The following ARHGAP40 variants were observed in gnomAD, a reference collection of about 807,000 sequenced individuals.
ARHGAP40 encodes rho GTPase-activating protein 40.
In ARHGAP40, 43 loss-of-function variants were observed where a neutral mutation model predicts 73.5. That is an observed-to-expected ratio of 0.58 (90% confidence interval 0.46 to 0.75). The LOEUF (loss-of-function observed/expected upper bound fraction) is 0.75. Ranked by LOEUF, ARHGAP40 falls within the 30% of genes least tolerant of loss-of-function variation. ARHGAP40 has a pLI of 0.00. For synonymous variants in ARHGAP40, 300 were observed against 352.8 expected (o/e 0.85, Z 1.68); for missense variants, 734 against 861.8 (o/e 0.85, Z 1.86).
intron 1 of ARHGAP40, among the ~76,000 whole-genome samples, chr20:38,603,777 C>G (rs1002638858): frequency 5.3e-5 from 8 of 152,300 alleles, no homozygotes; most frequent in African/African-American, 1.9e-4. Flanking sequence ...CTTGCCTTTT[C>G]CAGCTTCTGC....
In ARHGAP40 at chr20:38,637,637, G is replaced by A. The variant is rs2088984311; in HGVS notation, c.950-71G>A. ...GGGGTCTGATTCTAGTTGCCCAGGAGATCCTGTAGGTCGGAGCCCAGTGAT... is the reference window on the plus strand; with the variant it reads ...GGGGTCTGATTCTAGTTGCCCAGGAAATCCTGTAGGTCGGAGCCCAGTGAT... On this transcript the variant is annotated intron_variant, in intron 6 of 14. Transcript: ENST00000373345. 9.3e-6 allele frequency: 11 copies of A among 1,187,920 alleles called. No individual in the cohort carries two copies. The South Asian group carries it at 1.4e-4, about 15-fold the overall frequency. 73.6% of individuals were successfully genotyped at this position (1,187,920 alleles called of 1,614,324 possible). A position where few individuals can be genotyped will look rare whatever the true frequency, so the allele number is the denominator to read the frequency against.
chr20:38,616,291 C>A (rs959981859), intron 1 of ARHGAP40, among the ~76,000 whole-genome samples: 3 of 152,222 alleles, frequency 2.0e-5, no homozygotes, highest in African/African-American at 7.2e-5. Context: ...TTCCAGCCTT[C>A]CCCACTGGGG....
chr20:38,622,585 G>A (rs888254614), intron 1 of ARHGAP40, among the ~76,000 whole-genome samples: 2 of 152,150 alleles, frequency 1.3e-5, no homozygotes, highest in Non-Finnish European at 2.9e-5. Flanking sequence ...GGGGATTAAA[G>A]GGAAGGATGT....
intron 6 of ARHGAP40, among the ~76,000 whole-genome samples, chr20:38,636,264 ATT>A (rs926884192): frequency 1.0e-4 from 15 of 145,164 alleles, no homozygotes; most frequent in South Asian, 4.4e-4. Flanking sequence ...TTATTTATTT[ATT>A]TTTTTTTTTT....
chr20:38,607,260 G>T (rs1247847197), intron 1 of ARHGAP40, among the ~76,000 whole-genome samples: 2 of 152,154 alleles, frequency 1.3e-5, no homozygotes, highest in African/African-American at 4.8e-5. Context: ...CATTGGGAAA[G>T]TTCCTTCATT....
At position 38,626,997 on chromosome 20, in the gene ARHGAP40, G is replaced by A. The variant is rs917689137; in HGVS notation, c.340G>A (p.Gly114Arg). The stretch of plus-strand genomic sequence containing the variant: ...CTGGGTTCTACTTCTGTTGGCAGAA[G>A]GGGAAGCTGAATCCCAGTGGCTGCA... Residue 114 changes from glycine (G) to arginine (R), a missense_variant and splice_region_variant, in exon 3 of 15, where the codon GGG becomes AGG. Transcript: ENST00000373345. The A allele has an allele frequency of 2.3e-6, 3 of 1,303,608 alleles. No individual in the cohort carries two copies. The African/African-American group carries it at 4.6e-5, about 20-fold the overall frequency. The allele number at this position is 1,303,608 out of a possible 1,614,324, so 80.8% of individuals were successfully genotyped here. A position where few individuals can be genotyped will look rare whatever the true frequency, so the allele number is the denominator to read the frequency against.
chr20:38,635,108 T>C (rs1217157432), intron 6 of ARHGAP40, among the ~76,000 whole-genome samples: 2 of 151,934 alleles, frequency 1.3e-5, no homozygotes, highest in Non-Finnish European at 2.9e-5. Context: ...TCTTGGTCTC[T>C]TGACCTCGTG....
At chr20:38,638,872 G>C (rs542019414) in intron 8 of ARHGAP40, 34 bp downstream of exon 8, 1 of 1,296,010 alleles carries the variant, frequency 7.7e-7, no homozygotes, top group Non-Finnish European at 1.0e-6. Context: ...CACTGAGGCT[G>C]CATCTCCCCC....
At chr20:38,605,566 C>T (rs1488753779) in intron 1 of ARHGAP40, among the ~76,000 whole-genome samples, 2 of 152,200 alleles carry the variant, frequency 1.3e-5, no homozygotes, top group Non-Finnish European at 2.9e-5. Context: ...TTCCCCTTAT[C>T]CTTGCTCCCT....
At chr20:38,606,597 T>C (rs965070386) in intron 1 of ARHGAP40, among the ~76,000 whole-genome samples, 2 of 152,220 alleles carry the variant, frequency 1.3e-5, no homozygotes, top group Non-Finnish European at 2.9e-5. Flanking sequence ...ACATGCTCAG[T>C]GTCTGGCAGA....
exon 11 of ARHGAP40, chr20:38,643,811 G>A: frequency 7.7e-7 from 1 of 1,305,664 alleles, no homozygotes; most frequent in Non-Finnish European, 1.0e-6. Flanking sequence ...TGCACCAAGG[G>A]CGGCCCCCCA....
At chr20:38,629,344 G>A (rs1396558974) in intron 4 of ARHGAP40, among the ~76,000 whole-genome samples, 158 bp from the exon 5 acceptor site, 2 of 152,208 alleles carry the variant, frequency 1.3e-5, no homozygotes, top group African/African-American at 4.8e-5. Context: ...TGGGCAATGA[G>A]CCTGAGCCCT....
chr20:38,635,383 T>C (rs2088968237), intron 6 of ARHGAP40, among the ~76,000 whole-genome samples: 1 of 152,148 alleles, frequency 6.6e-6, no homozygotes, highest in Non-Finnish European at 1.5e-5. Context: ...ATAATTATGG[T>C]TTGGGAGCAG....
rs896508795 is a variant in ARHGAP40, at chr20:38,639,376, C to T, written c.1269C>T (p.Ala423=). Residue 423 remains alanine (A), a synonymous_variant, in exon 9 of 15, where the codon GCC becomes GCT. Transcript: ENST00000373345. ...CGGCTGAGTACCTCCCGGCCTTCGC[C>T]GTGGTGCCTAGTGAGTGTGCCCAAG... 1.6e-5 allele frequency: 21 copies of T among 1,305,394 alleles called. No individual in the cohort carries two copies. The East Asian group carries it at 3.3e-4, about 21-fold the overall frequency. 80.9% of individuals were successfully genotyped at this position (1,305,394 alleles called of 1,614,324 possible).
chr20:38,609,928 C>G (rs1351512735), intron 1 of ARHGAP40, among the ~76,000 whole-genome samples: 1 of 152,166 alleles, frequency 6.6e-6, no homozygotes, highest in Non-Finnish European at 1.5e-5. Context: ...CCCTTGAGTG[C>G]GTAATGGAAG....
chr20:38,640,373 C>T (rs992428279), intron 9 of ARHGAP40, among the ~76,000 whole-genome samples: 13 of 151,840 alleles, frequency 8.6e-5, no homozygotes, highest in African/African-American at 2.4e-4. Context: ...CATGAGACCA[C>T]GCCTGGCATA....
rs1252575447 is a variant in ARHGAP40 at position 38,610,997 on chromosome 20, C to G, written c.137+8918C>G. 6.0e-5 allele frequency among the ~76,000 whole-genome samples: 9 copies of G among 150,428 alleles called. No individual in the cohort carries two copies. In the Admixed American group the frequency reaches 6.0e-4, roughly 10 times the overall value. ...CTCCACCTCCGGGGTTTAAGCGATT[C>G]TCCTGCCTCAGCCTTCCGAGTAGCT... On this transcript the variant is annotated intron_variant, in intron 1 of 14. Transcript: ENST00000373345.
In ARHGAP40 at chr20:38,643,740, G is replaced by T; in HGVS notation, c.1399G>T (p.Glu467Ter). ...ATTCCTCAGGAAGGTGGTGGCCCGGGAACAGCACAACAAGATGACTCTGAG... is the reference window on the plus strand; with the variant it reads ...ATTCCTCAGGAAGGTGGTGGCCCGGTAACAGCACAACAAGATGACTCTGAG... Residue 467 changes from glutamate to a stop codon, truncating the protein, a stop_gained, in exon 11 of 15, where the codon GAA (glutamate) becomes TAA (stop). Transcript: ENST00000373345. LOFTEE classifies it high-confidence loss of function. 3 of 1,305,880 alleles carry T rather than the reference G, an allele frequency of 2.3e-6. No individual in the cohort carries two copies. The highest frequency in any genetic ancestry group is 3.0e-6 in the Non-Finnish European group (3 of 989,064). The allele number at this position is 1,305,880 out of a possible 1,614,324, so 80.9% of individuals were successfully genotyped here. A position where few individuals can be genotyped will look rare whatever the true frequency, so the allele number is the denominator to read the frequency against.
chr20:38,629,135 G>A, intron 4 of ARHGAP40, 133 bp downstream of exon 4: 1 of 801,316 alleles, frequency 1.2e-6, no homozygotes, highest in South Asian at 1.8e-5. Flanking sequence ...CCCTGCTCAA[G>A]GGCAGTAGGG....
Sources: gnomAD v4.1 joint callset for allele counts (sites outside exome capture counted in the v4.1 genomes callset) on GRCh38, gnomAD v4.1.1 for gene constraint, MANE v1.5 for transcripts, NCBI Gene and HGNC (gene_info 2026-07-23, HGNC 2026-07-21) for gene names.